Variants in FRMPD2 observed in about 807,000 individuals in gnomAD.
FRMPD2 encodes the protein FERM and PDZ domain-containing protein 2.
A neutral mutation model predicts 140.1 loss-of-function variants in FRMPD2; 96 were observed. The ratio of observed to expected loss-of-function variants is 0.69; its 90% CI spans 0.58 to 0.81. FRMPD2 has a LOEUF of 0.81. Ranked by LOEUF, FRMPD2 falls within the 40% of genes least tolerant of loss-of-function variation. The pLI is 0.00. For synonymous variants in FRMPD2, 449 were observed against 547.6 expected (o/e 0.82, Z 2.52); for missense variants, 1,240 against 1,447.4 (o/e 0.86, Z 2.32).
At chr10:48,197,207 A>G (rs1305181481) in intron 15 of FRMPD2, among the ~76,000 whole-genome samples, 1 of 152,174 alleles carries the variant, frequency 6.6e-6, no homozygotes, top group African/African-American at 2.4e-5. Flanking sequence ...CTCCTGGGCC[A>G]GCCCCAGGAC....
At chr10:48,224,271 C>G (rs1272877881) in intron 10 of FRMPD2, among the ~76,000 whole-genome samples, 1 of 152,150 alleles carries the variant, frequency 6.6e-6, no homozygotes, top group African/African-American at 2.4e-5. Flanking sequence ...GGGACTGCTG[C>G]AGGTCTGCCC....
chr10:48,243,244 T>C (rs1001663231), intron 4 of FRMPD2, among the ~76,000 whole-genome samples: 2 of 152,138 alleles, frequency 1.3e-5, no homozygotes, highest in African/African-American at 4.8e-5. Flanking sequence ...CCATAGAGGA[T>C]GACAAGGACT....
intron 22 of FRMPD2, chr10:48,177,431 A>T (rs1281584685): frequency 2.6e-5 from 4 of 151,924 alleles, no homozygotes; most frequent in Non-Finnish European, 5.9e-5. Context: ...CACTTTCAAT[A>T]CTCAGTAATA....
intron 15 of FRMPD2, 74 bp downstream of exon 15, chr10:48,201,154 A>G: frequency 8.6e-7 from 1 of 1,167,116 alleles, no homozygotes; most frequent in Non-Finnish European, 1.2e-6. Context: ...GATCAATTGT[A>G]TCTATTTATA....
chr10:48,212,429 CA>C (rs762493814), intron 12 of FRMPD2, among the ~76,000 whole-genome samples: 1 of 152,100 alleles, frequency 6.6e-6, no homozygotes, highest in Non-Finnish European at 1.5e-5. Flanking sequence ...ACAAGACAAG[CA>C]AGGAGAGAGG....
chr10:48,197,150 G>A (rs1401690889), intron 15 of FRMPD2, among the ~76,000 whole-genome samples: 36 of 152,058 alleles, frequency 2.4e-4, no homozygotes, highest in Non-Finnish European at 8.8e-5. Flanking sequence ...TCTGCATTTG[G>A]TTCTGCATCT....
chr10:48,228,703 T>C (rs1352398736), intron 10 of FRMPD2, among the ~76,000 whole-genome samples: 1 of 152,050 alleles, frequency 6.6e-6, no homozygotes, highest in Admixed American at 6.5e-5. Context: ...AATTACTAAA[T>C]GTAATTCTGT....
At chr10:48,270,395 G>A (rs1840746839) in intron 1 of FRMPD2, among the ~76,000 whole-genome samples, 2 of 152,184 alleles carry the variant, frequency 1.3e-5, no homozygotes, top group Admixed American at 1.3e-4. Context: ...TGCCATCAGG[G>A]TCTTCCTCTT....
intron 28 of FRMPD2, among the ~76,000 whole-genome samples, chr10:48,159,570 TG>T (rs1174666817): frequency 6.6e-6 from 1 of 151,928 alleles, no homozygotes; most frequent in African/African-American, 2.4e-5. Flanking sequence ...CCCCTGCAGT[TG>T]AGTGAGATCT....
intron 12 of FRMPD2, among the ~76,000 whole-genome samples, chr10:48,220,738 G>T (rs1839565522): frequency 6.6e-6 from 1 of 151,944 alleles, no homozygotes; most frequent in African/African-American, 2.4e-5. Flanking sequence ...AAACAAATCA[G>T]CAAGAAAAAA....
intron 11 of FRMPD2, among the ~76,000 whole-genome samples, chr10:48,222,725 G>A (rs991497136): frequency 6.6e-6 from 1 of 152,170 alleles, no homozygotes; most frequent in Admixed American, 6.5e-5. Context: ...CTAATAACCA[G>A]TTCGGTGGTG....
At chr10:48,221,789 A>T (rs4838582) in intron 12 of FRMPD2, among the ~76,000 whole-genome samples, 47,044 of 151,956 alleles carry the variant, frequency 0.31, 9,219 homozygotes, top group African/African-American at 0.55. Context: ...TAGCAAAGAG[A>T]GCTCAGTGAA....
At chr10:48,215,501 C>T (rs371182611) in intron 12 of FRMPD2, among the ~76,000 whole-genome samples, 6 of 152,218 alleles carry the variant, frequency 3.9e-5, no homozygotes, top group South Asian at 2.1e-4. Context: ...CCGGCTTTTC[C>T]GGGTTGATTT....
intron 17 of FRMPD2, 105 bp from the exon 18 acceptor site, chr10:48,185,750 T>G: frequency 1.2e-6 from 1 of 800,268 alleles, no homozygotes; most frequent in Non-Finnish European, 2.2e-6. Context: ...GCACACACAT[T>G]CACACGCACA....
At chr10:48,246,602 A>G (rs166817) in intron 3 of FRMPD2, among the ~76,000 whole-genome samples, 26,066 of 152,202 alleles carry the variant, frequency 0.17, 5,197 homozygotes, top group African/African-American at 0.49. Context: ...CCTGCACCTG[A>G]GGCTAAGATG....
chr10:48,264,429 T>C (rs1342927893), intron 1 of FRMPD2, among the ~76,000 whole-genome samples: 2 of 152,134 alleles, frequency 1.3e-5, no homozygotes, highest in Non-Finnish European at 1.5e-5. Context: ...TATAGAAACA[T>C]TGCAGGACAA....
At position 48,238,070 on chromosome 10, in the gene FRMPD2, G is replaced by A. The variant is rs767095799; in HGVS notation, c.842C>T (p.Ser281Phe). 6.2e-7 allele frequency: 1 copy of A among 1,613,972 alleles called. No homozygotes were observed. The highest frequency in any genetic ancestry group is 1.7e-5 in the Admixed American group (1 of 60,026). ...GTCTGCTGCCGAGTGCACAGATCCA[G>A]AGCTGAGCCTCCGGCCCGCCTGCTG... ...QDQQAGRRLSSGSVHSAADSS... is the reference protein window; with the variant it reads ...QDQQAGRRLSFGSVHSAADSS... The change falls in exon 8 of 29, where the codon TCT (serine) becomes TTT (phenylalanine). Residue 281 changes from serine to phenylalanine, a missense_variant. Ser to Phe is a radical substitution (Grantham distance 155). Transcript: ENST00000374201.
At chr10:48,204,849 T>C (rs914447528) in intron 14 of FRMPD2, among the ~76,000 whole-genome samples, 3 of 152,214 alleles carry the variant, frequency 2.0e-5, no homozygotes, top group Admixed American at 6.5e-5. Flanking sequence ...CTAGCATGCA[T>C]AGGTTTATTG....
chr10:48,247,235 T>A (rs280616), intron 3 of FRMPD2, among the ~76,000 whole-genome samples: 1 of 152,074 alleles, frequency 6.6e-6, no homozygotes, highest in African/African-American at 2.4e-5. Context: ...TGGGCCTTCA[T>A]AAGGTACTCA....
Sources: gnomAD v4.1 joint callset for allele counts (sites outside exome capture counted in the v4.1 genomes callset) on GRCh38, gnomAD v4.1.1 for gene constraint, MANE v1.5 for transcripts, NCBI Gene and HGNC (gene_info 2026-07-23, HGNC 2026-07-21) for gene names.